The following PLEKHG7 variants were observed in gnomAD, a reference collection of about 807,000 sequenced individuals.
PLEKHG7 encodes the protein pleckstrin homology and RhoGEF domain containing G7, also known as pleckstrin homology domain-containing family G member 7.
PLEKHG7 carries 77 observed loss-of-function variants against 85.2 expected under a neutral mutation model. The ratio of observed to expected loss-of-function variants is 0.90; its 90% CI spans 0.75 to 1.09. The LOEUF is 1.09. Ranked by LOEUF, PLEKHG7 falls within the 50% of genes least tolerant of loss-of-function variation. The pLI, the probability that PLEKHG7 is intolerant of heterozygous loss-of-function variation, is 0.00. For synonymous variants in PLEKHG7, 301 were observed against 302.4 expected, an observed-to-expected ratio of 1.00 and a Z score of 0.05; for missense variants, 777 against 804.3, an observed-to-expected ratio of 0.97 and a Z score of 0.41.
At position 92,745,602 on chromosome 12, in the gene PLEKHG7, A is replaced by ATTTTC; in HGVS notation, c.1251+21_1251+25dup. The stretch of plus-strand genomic sequence containing the variant: ...GGAATTTATTTAAAAGTAAAGTATC[A>ATTTTC]TTTTCTTTTCTTTTGTATTTTTGCT... On this transcript the variant is annotated intron_variant, in intron 10 of 16. Transcript: ENST00000344636. The ATTTTC allele has an allele frequency of 6.3e-7, 1 of 1,579,304 alleles. No individual in the cohort carries two copies. The highest frequency in any genetic ancestry group is 1.1e-5 in the South Asian group (1 of 90,182).
intron 3 of PLEKHG7, among the ~76,000 whole-genome samples, chr12:92,708,952 C>A (rs554511279): frequency 1.1e-4 from 16 of 152,098 alleles, no homozygotes; most frequent in Non-Finnish European, 2.1e-4. Context: ...CAGAATAAAG[C>A]TCTCAGATGA....
chr12:92,745,474 G>A lies in PLEKHG7; in HGVS notation c.1138-4G>A. 1 of 1,591,972 alleles carries A rather than the reference G, an allele frequency of 6.3e-7. No homozygotes were observed. The highest frequency in any genetic ancestry group is 8.6e-7 in the Non-Finnish European group (1 of 1,160,112). On this transcript the variant is annotated splice_polypyrimidine_tract_variant and splice_region_variant and intron_variant, in intron 9 of 16. Coordinates refer to ENST00000344636, the MANE Select transcript of PLEKHG7 (RefSeq NM_001377329.1). ...ATCCTCCTTCTGCTCTTCCTTTCTT[G>A]CAGTATTTCCGAGGGAGTCTCTGTC...
chr12:92,768,893 G>T, intron 15 of PLEKHG7, 90 bp from the exon 16 acceptor site: 1 of 904,108 alleles, frequency 1.1e-6, no homozygotes, highest in South Asian at 1.9e-5. Context: ...AAGCCAAATA[G>T]AAAACAAACC....
In PLEKHG7 at chr12:92,729,564, C is replaced by T. The variant is rs571364969; in HGVS notation, c.658+444C>T. 2.6e-5 allele frequency among the ~76,000 whole-genome samples: 4 copies of T among 151,964 alleles called. No homozygotes were observed. The East Asian group carries it at 7.7e-4, about 29-fold the overall frequency. ...CATGGGGAGGCAGAGGTGCCGGTGG[C>T]AGATGAGTGTCTGATAGACAGGCAG... On this transcript the variant is annotated intron_variant, in intron 4 of 16. Transcript: ENST00000344636.
rs1303365689 is a variant in PLEKHG7 at position 92,772,396 on chromosome 12, T to G, written c.*2201T>G. 1 of 151,930 alleles carries G rather than the reference T, an allele frequency of 6.6e-6. No homozygotes were observed. Among genetic ancestry groups the G allele is most frequent in the Non-Finnish European group, 1.5e-5 (1 of 67,844 alleles). The allele number at this position is 151,930 out of a possible 1,614,324, so 9.4% of individuals were successfully genotyped here. A position where few individuals can be genotyped will look rare whatever the true frequency, so the allele number is the denominator to read the frequency against. ...AAATTGAACAACATTAAAACACCAC[T>G]GTCTATATCCAAGTGCAAAGTCCTA... On this transcript the variant is annotated 3_prime_UTR_variant, in exon 17 of 17. Transcript: ENST00000344636.
Position 92,762,480 on chromosome 12 carries a change from G to A in PLEKHG7, c.1716+649G>A, listed in dbSNP as rs374160012. Among the ~76,000 whole-genome samples the A allele has an allele frequency of 3.1e-4, 47 of 152,152 alleles. No individual in the cohort carries two copies. The East Asian group carries it at 8.1e-3, about 26-fold the overall frequency. Reference sequence around the variant, plus strand: ...TATAGGGAATAGGGATTTTTTTCACGTTACTTAAGTATTATTTGTTACTGT... The same window carrying A: ...TATAGGGAATAGGGATTTTTTTCACATTACTTAAGTATTATTTGTTACTGT... On this transcript the variant is annotated intron_variant, in intron 14 of 16. Coordinates refer to ENST00000344636, the MANE Select transcript of PLEKHG7 (RefSeq NM_001377329.1).
chr12:92,720,982 C>T (rs1222974459), intron 3 of PLEKHG7, among the ~76,000 whole-genome samples: 1 of 152,190 alleles, frequency 6.6e-6, no homozygotes, highest in African/African-American at 2.4e-5. Flanking sequence ...CTCTGTCATT[C>T]ACTACAACAT....
Position 92,762,507 on chromosome 12 carries a change from ATTG to A in PLEKHG7, c.1716+685_1716+687del, listed in dbSNP as rs1252999009. ...TACTTAAGTATTATTTGTTACTGTTATTGTTGTTGTTATTTTTACTACCCATTA... is the reference window on the plus strand; with the variant it reads ...TACTTAAGTATTATTTGTTACTGTTATTGTTGTTATTTTTACTACCCATTA... On this transcript the variant is annotated intron_variant, in intron 14 of 16. Coordinates refer to ENST00000344636, the MANE Select transcript of PLEKHG7 (RefSeq NM_001377329.1). Among the ~76,000 whole-genome samples the A allele has an allele frequency of 1.1e-4, 16 of 152,012 alleles. 1 individual carries two copies. The highest frequency in any genetic ancestry group is 4.4e-5 in the Non-Finnish European group (3 of 67,992).
At chr12:92,764,656 T>G (rs1489146649) in intron 15 of PLEKHG7, among the ~76,000 whole-genome samples, 1 of 152,042 alleles carries the variant, frequency 6.6e-6, no homozygotes, top group Non-Finnish European at 1.5e-5. Context: ...ATATATATAT[T>G]CATATATATA....
chr12:92,759,912 C>T (rs1872937378), intron 13 of PLEKHG7, among the ~76,000 whole-genome samples: 1 of 152,158 alleles, frequency 6.6e-6, no homozygotes, highest in South Asian at 2.1e-4. Flanking sequence ...GTTTATTTCT[C>T]TCTTGTTAAG....
intron 14 of PLEKHG7, among the ~76,000 whole-genome samples, chr12:92,763,407 G>A (rs190436092): frequency 6.6e-6 from 1 of 152,276 alleles, no homozygotes; most frequent in African/African-American, 2.4e-5. Context: ...CAATACTATA[G>A]AGAGATTAAG....
At position 92,737,443 on chromosome 12, in the gene PLEKHG7, A is replaced by G; in HGVS notation, c.861A>G (p.Lys287=). The change falls in exon 7 of 17, where the codon AAA becomes AAG. Residue 287 remains lysine (K), a synonymous_variant. Transcript: ENST00000344636. ...TCCCGACCGATCAATTAGACCTGAA[A>G]AAGCAGCAAGAGGCCGTGTGGGAAC... ...HKLPTDQLDL[K]KQQEAVWELF... The G allele has an allele frequency of 6.3e-7, 1 of 1,583,352 alleles. No individual in the cohort carries two copies. Among genetic ancestry groups the G allele is most frequent in the Non-Finnish European group, 8.5e-7 (1 of 1,171,696 alleles).
chr12:92,743,492 A>C (rs1291119545), intron 9 of PLEKHG7, among the ~76,000 whole-genome samples: 2 of 151,486 alleles, frequency 1.3e-5, no homozygotes. Flanking sequence ...TTTAGCTAAG[A>C]TCATATAGCC....
intron 7 of PLEKHG7, among the ~76,000 whole-genome samples, chr12:92,738,192 A>G (rs560270661): frequency 1.3e-5 from 2 of 152,334 alleles, no homozygotes; most frequent in Non-Finnish European, 2.9e-5. Context: ...CTTTCATGTA[A>G]ATAGCACCCC....
chr12:92,728,875 C>A (rs1392695353), intron 3 of PLEKHG7, 118 bp from the exon 4 acceptor site: 1 of 725,556 alleles, frequency 1.4e-6, no homozygotes, highest in Non-Finnish European at 1.9e-6. Flanking sequence ...GGACTATAAG[C>A]ATCCCTTTCT....
intron 7 of PLEKHG7, among the ~76,000 whole-genome samples, chr12:92,740,067 A>C (rs78336671): frequency 0.017 from 2,578 of 152,288 alleles, 75 homozygotes; most frequent in African/African-American, 0.058. Flanking sequence ...TCATTACACT[A>C]ATGAAATAAT....
chr12:92,733,982 A>G (rs1275601107), intron 5 of PLEKHG7, among the ~76,000 whole-genome samples: 1 of 152,186 alleles, frequency 6.6e-6, no homozygotes, highest in East Asian at 1.9e-4. Context: ...GGTTGGCACT[A>G]TGTTGGAGGG....
Position 92,736,478 on chromosome 12 carries a change from G to T in PLEKHG7, c.700-4G>T. 8.1e-7 allele frequency: 1 copy of T among 1,230,710 alleles called. No individual in the cohort carries two copies. Among genetic ancestry groups the T allele is most frequent in the Non-Finnish European group, 1.0e-6 (1 of 986,688 alleles). The allele number at this position is 1,230,710 out of a possible 1,614,324, so 76.2% of individuals were successfully genotyped here. On this transcript the variant is annotated splice_region_variant and splice_polypyrimidine_tract_variant and intron_variant, in intron 5 of 16. Coordinates refer to ENST00000344636, the MANE Select transcript of PLEKHG7 (RefSeq NM_001377329.1). ...AAATCCTGTTTCTAACCATCTTCGA[G>T]CAGGGCAAAGACAAACACAAGCACA...
At chr12:92,753,717 C>T (rs1353117228) in intron 10 of PLEKHG7, among the ~76,000 whole-genome samples, 4 of 152,206 alleles carry the variant, frequency 2.6e-5, no homozygotes, top group African/African-American at 9.6e-5. Flanking sequence ...CCTTCCTTTT[C>T]CCTTCTGCCT....
Sources: allele counts gnomAD v4.1 joint callset (sites outside exome capture counted in the v4.1 genomes callset), GRCh38; gene constraint gnomAD v4.1.1; transcripts MANE v1.5; gene names NCBI Gene and HGNC (gene_info 2026-07-23, HGNC 2026-07-21).